The following TMEM54 variants were observed in gnomAD, a reference collection of about 807,000 sequenced individuals.
The protein encoded by TMEM54 is beta-casein-like protein.
Under a neutral mutation model 21.3 loss-of-function variants are expected in TMEM54, and 21 were observed. The ratio of observed to expected loss-of-function variants is 0.99; its 90% CI spans 0.70 to 1.42. The LOEUF is 1.42. TMEM54 is among the 40% of genes most tolerant of loss of function. The pLI, the probability that TMEM54 is intolerant of heterozygous loss-of-function variation, is 0.00. For missense variants in TMEM54, 246 were observed against 294.0 expected (o/e 0.84, Z 1.19); for synonymous variants, 109 against 125.0 (o/e 0.87, Z 0.86).
rs1187030555 is a variant in TMEM54 at position 32,896,353 on chromosome 1, T to C, written c.211-384A>G. 2 of 168,270 alleles carry C rather than the reference T, an allele frequency of 1.2e-5. No homozygotes were observed. Among genetic ancestry groups the C allele is most frequent in the South Asian group, 1.9e-4 (1 of 5,220 alleles). The allele number at this position is 168,270 out of a possible 1,614,324, so 10.4% of individuals were successfully genotyped here. The stretch of plus-strand genomic sequence containing the variant: ...AGGAACTAAAATCAAAATTGTTACA[T>C]TGAAACAAACCAAGACATGTTATGG... On this transcript the variant is annotated intron_variant, in intron 2 of 5. Transcript: ENST00000373463. This position sits in a 1 kb window ranked among gnomAD's most constrained non-coding sequence, Gnocchi z 4.1.
chr1:32,895,931 G>C lies in TMEM54; in HGVS notation c.249C>G (p.Arg83=). The change falls in exon 3 of 6, where the codon CGC becomes CGG. Residue 83 remains arginine, a synonymous_variant. Coordinates refer to ENST00000373463, the MANE Select transcript of TMEM54 (RefSeq NM_033504.4). This position sits in a 1 kb window ranked among gnomAD's most constrained non-coding sequence, Gnocchi z 5.8. ...GTACCAGGGGGGTGCTAGGGAGGTA[G>C]CGTGACAACACGATGGCTGCGATGC... The part of the protein sequence containing the change: ...TSGIAAIVLS[R]YLPSTPLRWT... The C allele has an allele frequency of 6.2e-7, 1 of 1,613,412 alleles. No individual in the cohort carries two copies. The highest frequency in any genetic ancestry group is 8.5e-7 in the Non-Finnish European group (1 of 1,179,730).
In TMEM54 at chr1:32,895,528, G is replaced by A. The variant is rs936673721; in HGVS notation, c.459+27C>T. On this transcript the variant is annotated intron_variant, in intron 4 of 5. Transcript: ENST00000373463. The surrounding 1 kb of genome is among the most constrained non-coding windows in gnomAD (Gnocchi z 5.8). The stretch of plus-strand genomic sequence containing the variant: ...CTTCCCACCCGTGCGAGGGCCTGGT[G>A]CCCCTACTCCAGGCCTAGGTACTCA... 6.3e-7 allele frequency: 1 copy of A among 1,590,448 alleles called. No individual in the cohort carries two copies.
At position 32,901,200 on chromosome 1, in the gene TMEM54, C is replaced by G. The variant is rs1641719547; in HGVS notation, c.16+23G>C. On this transcript the variant is annotated intron_variant, in intron 1 of 5. Coordinates refer to ENST00000373463, the MANE Select transcript of TMEM54 (RefSeq NM_033504.4). The surrounding 1 kb of genome is among the most constrained non-coding windows in gnomAD (Gnocchi z 4.2). ...GGAGGGTTGGGGTGGTTCGGGGCCTCCCGCGCGCCCCCAGTCGCTCACCGA... is the reference window on the plus strand; with the variant it reads ...GGAGGGTTGGGGTGGTTCGGGGCCTGCCGCGCGCCCCCAGTCGCTCACCGA... 2 of 1,486,736 alleles carry G rather than the reference C, an allele frequency of 1.3e-6. No individual in the cohort carries two copies. The highest frequency in any genetic ancestry group is 1.8e-6 in the Non-Finnish European group (2 of 1,104,754). The allele number at this position is 1,486,736 out of a possible 1,614,324, so 92.1% of individuals were successfully genotyped here.
Position 32,901,275 on chromosome 1 carries a change from C to T in TMEM54, c.-37G>A, listed in dbSNP as rs755963251. 24 of 1,377,902 alleles carry T rather than the reference C, an allele frequency of 1.7e-5. No individual in the cohort carries two copies. The highest frequency in any genetic ancestry group is 1.9e-5 in the Non-Finnish European group (20 of 1,054,642). The allele number at this position is 1,377,902 out of a possible 1,614,324, so 85.4% of individuals were successfully genotyped here. A position where few individuals can be genotyped will look rare whatever the true frequency, so the allele number is the denominator to read the frequency against. ...GCTGGTCCCGCCCCCGGCTTCAGCG[C>T]GGCTCCCGAGGCTGCGGGCCGCCGG... is the stretch of plus-strand genomic sequence containing the variant. On this transcript the variant is annotated 5_prime_UTR_variant, in exon 1 of 6. Coordinates refer to ENST00000373463, the MANE Select transcript of TMEM54 (RefSeq NM_033504.4). This position sits in a 1 kb window ranked among gnomAD's most constrained non-coding sequence, Gnocchi z 4.2.
In TMEM54 at chr1:32,894,801, T is replaced by C. The variant is rs1176174304; in HGVS notation, c.*4A>G. The C allele has an allele frequency of 1.2e-6, 2 of 1,609,136 alleles. No individual in the cohort carries two copies. The highest frequency in any genetic ancestry group is 2.7e-5 in the African/African-American group (2 of 74,786). ...GCCATCGGGCCTGGGCAGGACATCATCTCTCAGAGGGTCAGAGGCTCAGAG... is the reference window on the plus strand; with the variant it reads ...GCCATCGGGCCTGGGCAGGACATCACCTCTCAGAGGGTCAGAGGCTCAGAG... On this transcript the variant is annotated 3_prime_UTR_variant, in exon 6 of 6. Coordinates refer to ENST00000373463, the MANE Select transcript of TMEM54 (RefSeq NM_033504.4).
Position 32,898,253 on chromosome 1 carries a change from CCCAGCACCA to C in TMEM54, c.74_82del (p.Val25_Leu27del). On this transcript the variant is annotated inframe_deletion, in exon 2 of 6. Coordinates refer to ENST00000373463, the MANE Select transcript of TMEM54 (RefSeq NM_033504.4). ...GGCAGCTGTGATGAAGCTCACATGGCCCAGCACCACCAGCACCAGGCCTGTCTTCATCAG... is the reference window on the plus strand; with the variant it reads ...GGCAGCTGTGATGAAGCTCACATGGCCCAGCACCAGGCCTGTCTTCATCAG... The C allele has an allele frequency of 1.2e-6, 2 of 1,613,396 alleles. No individual in the cohort carries two copies. The highest frequency in any genetic ancestry group is 1.7e-6 in the Non-Finnish European group (2 of 1,179,440).
Position 32,896,585 on chromosome 1 carries a change from C to G in TMEM54, c.211-616G>C, listed in dbSNP as rs1371074426. 1.3e-5 allele frequency among the ~76,000 whole-genome samples: 2 copies of G among 152,104 alleles called. No homozygotes were observed. The highest frequency in any genetic ancestry group is 6.5e-5 in the Admixed American group (1 of 15,284). On this transcript the variant is annotated intron_variant, in intron 2 of 5. Transcript: ENST00000373463. This position sits in a 1 kb window ranked among gnomAD's most constrained non-coding sequence, Gnocchi z 4.1. The stretch of plus-strand genomic sequence containing the variant: ...TGCTCCTCTGCCCGTGTGGATCCTG[C>G]AAGCCCTGCTCAGGTTTGCACACGT...
Position 32,901,091 on chromosome 1 carries a change from C to T in TMEM54, c.16+132G>A, listed in dbSNP as rs1226899167. 2.0e-6 allele frequency: 2 copies of T among 995,508 alleles called. No individual in the cohort carries two copies. Among genetic ancestry groups the T allele is most frequent in the African/African-American group, 1.7e-5 (1 of 59,582 alleles). 61.7% of individuals were successfully genotyped at this position (995,508 alleles called of 1,614,324 possible). A position where few individuals can be genotyped will look rare whatever the true frequency, so the allele number is the denominator to read the frequency against. On this transcript the variant is annotated intron_variant, in intron 1 of 5. Coordinates refer to ENST00000373463, the MANE Select transcript of TMEM54 (RefSeq NM_033504.4). This position sits in a 1 kb window ranked among gnomAD's most constrained non-coding sequence, Gnocchi z 4.2. ...GCCCAGAGAGGAAAGTGACCCGACC[C>T]CGGCCTCGTAGTAAGTTAGAGGCAG...
At chr1:32,898,542 A>G in intron 1 of TMEM54, 3 of 494,578 alleles carry the variant, frequency 6.1e-6, no homozygotes, top group South Asian at 3.9e-5. Context: ...GGACAAGCAC[A>G]CAGGTAGCTC....
rs1196817855 is a variant in TMEM54 at position 32,895,768 on chromosome 1, A to G, written c.271-25T>C. On this transcript the variant is annotated intron_variant, in intron 3 of 5. Coordinates refer to ENST00000373463, the MANE Select transcript of TMEM54 (RefSeq NM_033504.4). The surrounding 1 kb of genome is among the most constrained non-coding windows in gnomAD (Gnocchi z 5.8). ...GCTGGACGGGGGAGGCCACTGGTCAATGGGCGTCGTGCTTGGCCCCCATGG... is the reference window on the plus strand; with the variant it reads ...GCTGGACGGGGGAGGCCACTGGTCAGTGGGCGTCGTGCTTGGCCCCCATGG... 5 of 1,550,308 alleles carry G rather than the reference A, an allele frequency of 3.2e-6. No homozygotes were observed. Among genetic ancestry groups the G allele is most frequent in the African/African-American group, 1.4e-5 (1 of 73,434 alleles).
chr1:32,898,762 T>G (rs962459435), intron 1 of TMEM54, among the ~76,000 whole-genome samples: 1 of 151,850 alleles, frequency 6.6e-6, no homozygotes, highest in Non-Finnish European at 1.5e-5. Flanking sequence ...GGAGCCAGAG[T>G]TCATTGGGCA....
intron 1 of TMEM54, among the ~76,000 whole-genome samples, chr1:32,898,868 T>A (rs1325046092): frequency 6.6e-6 from 1 of 152,092 alleles, no homozygotes; most frequent in Non-Finnish European, 1.5e-5. Flanking sequence ...CAGAGCCAGG[T>A]GACTTGGGGA....
rs1641540542 is a variant in TMEM54, at chr1:32,894,699, G to A, written c.*106C>T. On this transcript the variant is annotated 3_prime_UTR_variant, in exon 6 of 6. Coordinates refer to ENST00000373463, the MANE Select transcript of TMEM54 (RefSeq NM_033504.4). ...GAAAGCCCCACTTGGGTCCCCGAGG[G>A]TCCATTGAGCCCTCTCAGGCCAGCT... The A allele has an allele frequency of 5.3e-6, 8 of 1,499,428 alleles. No individual in the cohort carries two copies. The highest frequency in any genetic ancestry group is 3.5e-4 in the Middle Eastern group (2 of 5,634). The allele number at this position is 1,499,428 out of a possible 1,614,324, so 92.9% of individuals were successfully genotyped here.
rs1401063167 is a variant in TMEM54, at chr1:32,895,541, G to T, written c.459+14C>A. On this transcript the variant is annotated intron_variant, in intron 4 of 5. Coordinates refer to ENST00000373463, the MANE Select transcript of TMEM54 (RefSeq NM_033504.4). The surrounding 1 kb of genome is among the most constrained non-coding windows in gnomAD (Gnocchi z 5.8). ...CGAGGGCCTGGTGCCCCTACTCCAGGCCTAGGTACTCACATAAATGCGTGT... is the reference window on the plus strand; with the variant it reads ...CGAGGGCCTGGTGCCCCTACTCCAGTCCTAGGTACTCACATAAATGCGTGT... The T allele has an allele frequency of 1.3e-6, 2 of 1,592,486 alleles. No individual in the cohort carries two copies.
intron 2 of TMEM54, 108 bp downstream of exon 2, chr1:32,898,018 C>T (rs1056697890): frequency 9.2e-7 from 1 of 1,085,544 alleles, no homozygotes; most frequent in African/African-American, 1.6e-5. Flanking sequence ...AGGGTTAGTC[C>T]TTGAGGCTGT....
Position 32,901,166 on chromosome 1 carries a change from G to C in TMEM54, c.16+57C>G. 7.1e-7 allele frequency: 1 copy of C among 1,417,238 alleles called. No homozygotes were observed. The highest frequency in any genetic ancestry group is 9.4e-7 in the Non-Finnish European group (1 of 1,069,108). 87.8% of individuals were successfully genotyped at this position (1,417,238 alleles called of 1,614,324 possible). ...GCTCGGGTTCCGGGCTCAGTGCTCC[G>C]CTCCTGTGGGAGGGTTGGGGTGGTT... On this transcript the variant is annotated intron_variant, in intron 1 of 5. Coordinates refer to ENST00000373463, the MANE Select transcript of TMEM54 (RefSeq NM_033504.4). This position sits in a 1 kb window ranked among gnomAD's most constrained non-coding sequence, Gnocchi z 4.2.
In TMEM54 at chr1:32,894,770, C is replaced by T; in HGVS notation, c.*35G>A. 1.2e-6 allele frequency: 2 copies of T among 1,600,154 alleles called. No individual in the cohort carries two copies. The highest frequency in any genetic ancestry group is 1.1e-5 in the South Asian group (1 of 90,646). Reference sequence around the variant, plus strand: ...ACAGAGCAGAGTTGCTTGCAGGGTCCTAGTGGCCATCGGGCCTGGGCAGGA... The same window carrying T: ...ACAGAGCAGAGTTGCTTGCAGGGTCTTAGTGGCCATCGGGCCTGGGCAGGA... On this transcript the variant is annotated 3_prime_UTR_variant, in exon 6 of 6. Transcript: ENST00000373463.
At position 32,897,108 on chromosome 1, in the gene TMEM54, C is replaced by T. The variant is rs1641619719; in HGVS notation, c.210+1018G>A. ...GACCTCCTCGCCCTGAGCTCACTGC[C>T]TTCCCTGCCTTCCTCACAACAGTAT... On this transcript the variant is annotated intron_variant, in intron 2 of 5. Transcript: ENST00000373463. The surrounding 1 kb of genome is among the most constrained non-coding windows in gnomAD (Gnocchi z 4.9). Among the ~76,000 whole-genome samples the T allele has an allele frequency of 6.6e-6, 1 of 152,216 alleles. No individual in the cohort carries two copies. Among genetic ancestry groups the T allele is most frequent in the Admixed American group, 6.5e-5 (1 of 15,282 alleles).
rs578112733 is a variant in TMEM54 at position 32,895,014 on chromosome 1, T to C, written c.595-135A>G. ...AAAGGGGCATCACTACCCACTCCACTGCAAGAGCCAGGCCTGACCTTTGCA... is the reference window on the plus strand; with the variant it reads ...AAAGGGGCATCACTACCCACTCCACCGCAAGAGCCAGGCCTGACCTTTGCA... On this transcript the variant is annotated intron_variant, in intron 5 of 5. Transcript: ENST00000373463. This position sits in a 1 kb window ranked among gnomAD's most constrained non-coding sequence, Gnocchi z 5.8. The C allele has an allele frequency of 6.5e-4, 954 of 1,467,220 alleles. No individual in the cohort carries two copies. Among genetic ancestry groups the C allele is most frequent in the Non-Finnish European group, 5.1e-4 (562 of 1,100,174 alleles). 90.9% of individuals were successfully genotyped at this position (1,467,220 alleles called of 1,614,324 possible). A position where few individuals can be genotyped will look rare whatever the true frequency, so the allele number is the denominator to read the frequency against.
Sources: gnomAD v4.1 joint callset for allele counts (sites outside exome capture counted in the v4.1 genomes callset) on GRCh38, gnomAD v4.1.1 for gene constraint, Gnocchi (gnomAD v3.1) non-coding constraint, MANE v1.5 for transcripts, NCBI Gene and HGNC (gene_info 2026-07-23, HGNC 2026-07-21) for gene names.